The following NPEPPS variants were observed in gnomAD, a reference collection of about 807,000 sequenced individuals.
NPEPPS encodes puromycin-sensitive aminopeptidase.
NPEPPS carries 14 observed loss-of-function variants against 115.5 expected under a neutral mutation model. The ratio of observed to expected loss-of-function variants is 0.12; its 90% CI spans 0.08 to 0.19. The LOEUF (loss-of-function observed/expected upper bound fraction) is 0.19, where lower values mean the gene tolerates loss of function less well. Ranked by LOEUF, NPEPPS falls within the 10% of genes least tolerant of loss-of-function variation. NPEPPS has a pLI of 1.00. For synonymous variants in NPEPPS, 285 were observed against 390.6 expected (o/e 0.73, Z 3.19); for missense variants, 523 against 1,110.8 (o/e 0.47, Z 7.52).
rs560095011 is a variant in NPEPPS at position 47,540,004 on chromosome 17, GTCTTACTA to G, written c.256-5898_256-5891del. On this transcript the variant is annotated intron_variant, in intron 1 of 22. Transcript: ENST00000322157. ...GACAATCAGAAAAAAACCCTCTTGA[GTCTTACTA>G]TCTTACATGTAAGATATGTTCCTGA... is the stretch of plus-strand genomic sequence containing the variant. 1.2e-3 allele frequency among the ~76,000 whole-genome samples: 182 copies of G among 152,282 alleles called. 1 individual carries two copies. The highest frequency in any genetic ancestry group is 4.2e-3 in the African/African-American group (174 of 41,550).
chr17:47,621,790 C>T lies in NPEPPS; in HGVS notation c.2630C>T (p.Ala877Val). 6.2e-7 allele frequency: 1 copy of T among 1,611,688 alleles called. No homozygotes were observed. Among genetic ancestry groups the T allele is most frequent in the Non-Finnish European group, 8.5e-7 (1 of 1,178,086 alleles). The change falls in exon 23 of 23, where the codon GCT (alanine) becomes GTT (valine). Residue 877 changes from alanine (A) to valine (V), a missense_variant. Coordinates refer to ENST00000322157, the MANE Select transcript of NPEPPS (RefSeq NM_006310.4). ...EVKAFFESHP[A>V]PSAERTIQQC... ...CAGGCTTTCTTCGAGAGTCACCCAG[C>T]TCCTTCAGCTGAGCGTACCATCCAG...
intron 2 of NPEPPS, among the ~76,000 whole-genome samples, chr17:47,561,374 G>A (rs1308514414): frequency 6.9e-6 from 1 of 145,890 alleles, no homozygotes; most frequent in Non-Finnish European, 1.5e-5. Flanking sequence ...AAAAAAGATT[G>A]GGGGGGTGCT....
chr17:47,570,224 C>A (rs1911112253), intron 3 of NPEPPS, among the ~76,000 whole-genome samples: 1 of 152,120 alleles, frequency 6.6e-6, no homozygotes, highest in African/African-American at 2.4e-5. Flanking sequence ...GAGTTAGGGA[C>A]CAGCATGGCG....
At chr17:47,592,601 G>A in intron 12 of NPEPPS, 56 bp downstream of exon 12, 2 of 1,425,176 alleles carry the variant, frequency 1.4e-6, no homozygotes, top group Admixed American at 2.2e-5. Context: ...ACTCTATCCA[G>A]GCTGGGACAT....
intron 1 of NPEPPS, among the ~76,000 whole-genome samples, chr17:47,533,825 A>G (rs1908000561): frequency 6.6e-6 from 1 of 152,180 alleles, no homozygotes; most frequent in Non-Finnish European, 1.5e-5. Context: ...AGTAGCATGA[A>G]CTTTTCAAAA....
chr17:47,580,491 C>G (rs1911806327), intron 4 of NPEPPS: 1 of 151,930 alleles, frequency 6.6e-6, no homozygotes, highest in African/African-American at 2.4e-5. Context: ...TATACATGAC[C>G]AGATTTACTG....
upstream of NPEPPS, among the ~76,000 whole-genome samples, chr17:47,529,150 T>A (rs1300084525): frequency 6.6e-6 from 1 of 152,250 alleles, no homozygotes; most frequent in Non-Finnish European, 1.5e-5. Flanking sequence ...TACTGGGTTC[T>A]ATCTGAGAAA....
At chr17:47,534,214 C>T (rs181277554) in intron 1 of NPEPPS, among the ~76,000 whole-genome samples, 209 of 152,178 alleles carry the variant, frequency 1.4e-3, no homozygotes, top group African/African-American at 4.5e-3. Flanking sequence ...GCTTCAGCCT[C>T]CCAAGTAGCT....
chr17:47,561,457 C>T (rs1910423966), intron 2 of NPEPPS, among the ~76,000 whole-genome samples: 2 of 151,480 alleles, frequency 1.3e-5, no homozygotes, highest in African/African-American at 4.9e-5. Context: ...CCTGTTATTT[C>T]CTAAGTGACT....
intron 1 of NPEPPS, among the ~76,000 whole-genome samples, chr17:47,537,195 A>T (rs868275637): frequency 3.9e-5 from 6 of 152,112 alleles, no homozygotes; most frequent in African/African-American, 1.4e-4. Context: ...CTTAAAAAAA[A>T]TTCATATATA....
chr17:47,574,109 G>A (rs1567853569), intron 3 of NPEPPS, among the ~76,000 whole-genome samples: 3 of 150,776 alleles, frequency 2.0e-5, no homozygotes, highest in South Asian at 2.1e-4. Flanking sequence ...AGGGATAAAC[G>A]TGTTTCATAT....
At chr17:47,581,187 C>T (rs1375592669) in intron 4 of NPEPPS, 3 of 151,718 alleles carry the variant, frequency 2.0e-5, no homozygotes, top group Non-Finnish European at 4.4e-5. Context: ...GATGTTGTTT[C>T]GTTTTGCTTT....
intron 17 of NPEPPS, among the ~76,000 whole-genome samples, chr17:47,611,716 TCTTGC>T (rs1913888028): frequency 6.6e-6 from 1 of 152,174 alleles, no homozygotes; most frequent in African/African-American, 2.4e-5. Context: ...CAAGCGATCC[TCTTGC>T]CTTGGCATCC....
At chr17:47,582,945 G>C in intron 5 of NPEPPS, 96 bp downstream of exon 5, 1 of 569,532 alleles carries the variant, frequency 1.8e-6, no homozygotes, top group Admixed American at 3.2e-5. Context: ...ACCTACCACA[G>C]TGCTGGTATA....
At chr17:47,614,317 T>C (rs1011814582) in intron 19 of NPEPPS, among the ~76,000 whole-genome samples, 2 of 152,176 alleles carry the variant, frequency 1.3e-5, no homozygotes, top group African/African-American at 4.8e-5. Context: ...CAAGTCACTT[T>C]CTTTAAATTT....
chr17:47,621,981 C>G lies in NPEPPS; in HGVS notation c.*61C>G, dbSNP rs111492806. 6.7e-7 allele frequency: 1 copy of G among 1,483,014 alleles called. No homozygotes were observed. The highest frequency in any genetic ancestry group is 9.0e-7 in the Non-Finnish European group (1 of 1,105,858). 91.9% of individuals were successfully genotyped at this position (1,483,014 alleles called of 1,614,324 possible). On this transcript the variant is annotated 3_prime_UTR_variant, in exon 23 of 23. Coordinates refer to ENST00000322157, the MANE Select transcript of NPEPPS (RefSeq NM_006310.4). Reference sequence around the variant, plus strand: ...CGCTGCAGGGATAAGGTGGAGCTACCGAACAGCTGATTCATATGCCAAGAA... The same window carrying G: ...CGCTGCAGGGATAAGGTGGAGCTACGGAACAGCTGATTCATATGCCAAGAA...
chr17:47,553,262 A>G (rs1048412177), intron 2 of NPEPPS, among the ~76,000 whole-genome samples: 11 of 150,932 alleles, frequency 7.3e-5, no homozygotes, highest in African/African-American at 2.7e-4. Context: ...AATCCTAGCT[A>G]CTCGGGAGGC....
At chr17:47,619,368 A>C in intron 21 of NPEPPS, 1 of 584,910 alleles carries the variant, frequency 1.7e-6, no homozygotes, top group Non-Finnish European at 3.1e-6. Context: ...ATCCTGGCCA[A>C]CATGGTGAAA....
Position 47,599,754 on chromosome 17 carries a change from G to C in NPEPPS, c.1600+15G>C. 6.5e-7 allele frequency: 1 copy of C among 1,544,902 alleles called. No individual in the cohort carries two copies. The highest frequency in any genetic ancestry group is 8.8e-7 in the Non-Finnish European group (1 of 1,138,118). ...GTCATATGTTGGTAAGTAAATGGCT[G>C]TAAGTGAGATATGATTGATGAATTT... is the stretch of plus-strand genomic sequence containing the variant. On this transcript the variant is annotated intron_variant, in intron 14 of 22. Transcript: ENST00000322157.
Sources: allele counts gnomAD v4.1 joint callset (sites outside exome capture counted in the v4.1 genomes callset), GRCh38; gene constraint gnomAD v4.1.1; transcripts MANE v1.5; gene names NCBI Gene and HGNC (gene_info 2026-07-23, HGNC 2026-07-21).